The following TMEM156 variants were observed in gnomAD, a reference collection of about 807,000 sequenced individuals.
TMEM156 encodes transmembrane protein 156.
TMEM156 carries 28 observed loss-of-function variants against 30.5 expected under a neutral mutation model. The ratio of observed to expected loss-of-function variants is 0.92; its 90% CI spans 0.68 to 1.26. The LOEUF is 1.26. Ranked by LOEUF, TMEM156 falls within the 50% of genes most tolerant of loss-of-function variation. TMEM156 has a pLI of 0.00. For synonymous variants in TMEM156, 137 were observed against 119.9 expected (o/e 1.14, Z -0.93); for missense variants, 351 against 340.6 (o/e 1.03, Z -0.24).
At chr4:39,019,809 C>G (rs79443091) in intron 1 of TMEM156, among the ~76,000 whole-genome samples, 4 of 151,972 alleles carry the variant, frequency 2.6e-5, no homozygotes, top group African/African-American at 9.7e-5. Context: ...TTGTGTGTGG[C>G]GAGAACATTT....
intron 2 of TMEM156, 88 bp downstream of exon 2, chr4:38,998,552 A>G: frequency 7.8e-7 from 1 of 1,276,910 alleles, no homozygotes; most frequent in Non-Finnish European, 1.0e-6. Flanking sequence ...TCAAAAAAAA[A>G]AAAAGAATAT....
At position 38,967,407 on chromosome 4, in the gene TMEM156, G is replaced by T. The variant is rs1459417797; in HGVS notation, c.*273C>A. The T allele has an allele frequency of 6.6e-6, 1 of 151,984 alleles. No homozygotes were observed. The highest frequency in any genetic ancestry group is 2.4e-5 in the African/African-American group (1 of 41,344). The allele number at this position is 151,984 out of a possible 1,614,324, so 9.4% of individuals were successfully genotyped here. A position where few individuals can be genotyped will look rare whatever the true frequency, so the allele number is the denominator to read the frequency against. Reference sequence around the variant, plus strand: ...GGGAATTCTCTTGCTGTTTCCATGGGTTTCATCATCTTTTTTTCCATGACT... The same window carrying T: ...GGGAATTCTCTTGCTGTTTCCATGGTTTTCATCATCTTTTTTTCCATGACT... On this transcript the variant is annotated 3_prime_UTR_variant, in exon 7 of 7. Transcript: ENST00000381938.
chr4:38,978,012 A>G (rs1303030904), intron 5 of TMEM156, among the ~76,000 whole-genome samples: 3 of 152,270 alleles, frequency 2.0e-5, no homozygotes, highest in Non-Finnish European at 2.9e-5. Flanking sequence ...ATCTTTCCCA[A>G]GTAACTTTTG....
intron 6 of TMEM156, among the ~76,000 whole-genome samples, chr4:38,968,535 T>G (rs142157551): frequency 6.6e-6 from 1 of 152,174 alleles, no homozygotes; most frequent in African/African-American, 2.4e-5. Context: ...TGGTCAAAAA[T>G]CATTTGGTGA....
intron 6 of TMEM156, among the ~76,000 whole-genome samples, chr4:38,970,411 A>C (rs1722543524): frequency 6.6e-6 from 1 of 152,128 alleles, no homozygotes; most frequent in Non-Finnish European, 1.5e-5. Flanking sequence ...CTGAAGAGTA[A>C]ATGATATAAC....
intron 1 of TMEM156, among the ~76,000 whole-genome samples, chr4:39,004,683 AATTT>A (rs571337789): frequency 5.3e-5 from 8 of 152,124 alleles, no homozygotes; most frequent in East Asian, 1.9e-4. Context: ...AATATACTAT[AATTT>A]ATTTATTCAT....
At chr4:38,986,078 C>G (rs766215919) in intron 5 of TMEM156, among the ~76,000 whole-genome samples, 5 of 152,240 alleles carry the variant, frequency 3.3e-5, no homozygotes, top group Non-Finnish European at 5.9e-5. Flanking sequence ...ATTGCTTTCT[C>G]TCCTCTGCCT....
intron 5 of TMEM156, among the ~76,000 whole-genome samples, chr4:38,982,833 C>T (rs1711682911): frequency 6.6e-6 from 1 of 152,132 alleles, no homozygotes; most frequent in Non-Finnish European, 1.5e-5. Context: ...TTCACTGACC[C>T]ACACAGCAGG....
intron 1 of TMEM156, among the ~76,000 whole-genome samples, chr4:39,022,491 T>C (rs1714934048): frequency 1.3e-5 from 2 of 152,202 alleles, no homozygotes; most frequent in East Asian, 3.8e-4. Flanking sequence ...TACGTATTTA[T>C]AATTCCTACT....
intron 5 of TMEM156, among the ~76,000 whole-genome samples, chr4:38,974,259 T>G (rs1428217913): frequency 6.7e-6 from 1 of 150,316 alleles, no homozygotes; most frequent in African/African-American, 2.4e-5. Context: ...GGTTGGAGTA[T>G]AGTGGTGCCA....
chr4:38,998,731 G>A lies in TMEM156; in HGVS notation c.267C>T (p.Asp89=). 6.2e-7 allele frequency: 1 copy of A among 1,613,834 alleles called. No individual in the cohort carries two copies. The highest frequency in any genetic ancestry group is 8.5e-7 in the Non-Finnish European group (1 of 1,179,922). ...NFRNFTRTCQ[D]ITGEFKMCSS... is the part of the protein sequence containing the mutation. ...AGCACATTTTAAATTCACCTGTGAT[G>A]TCTTGGCAAGTCCTGGTGAAGTTAC... Residue 89 remains aspartate (D), a synonymous_variant, in exon 2 of 7, where the codon GAC becomes GAT. Coordinates refer to ENST00000381938, the MANE Select transcript of TMEM156 (RefSeq NM_024943.3).
intron 2 of TMEM156, among the ~76,000 whole-genome samples, chr4:38,995,689 T>C (rs936640285): frequency 2.6e-5 from 4 of 152,198 alleles, no homozygotes; most frequent in Non-Finnish European, 5.9e-5. Flanking sequence ...CACTCCAGCC[T>C]GGTGAGAGAG....
At chr4:38,994,758 G>A (rs373963830) in intron 2 of TMEM156, among the ~76,000 whole-genome samples, 23 of 152,218 alleles carry the variant, frequency 1.5e-4, no homozygotes, top group African/African-American at 5.3e-4. Flanking sequence ...GACCAGCCTG[G>A]CCAACATGGC....
chr4:39,017,920 GC>G (rs1714607643), intron 1 of TMEM156, among the ~76,000 whole-genome samples: 1 of 152,014 alleles, frequency 6.6e-6, no homozygotes, highest in African/African-American at 2.4e-5. Flanking sequence ...TCCGGAAATT[GC>G]TTTTTTAATC....
chr4:38,990,830 G>GTTTTTTTTTTTTTTTTTTTTGTTTT (rs1712376565), intron 3 of TMEM156, among the ~76,000 whole-genome samples: 1 of 81,216 alleles, frequency 1.2e-5, no homozygotes, highest in African/African-American at 4.6e-5. Context: ...TTGTTTTCTG[G>GTTTTTTTTTTTTTTTTTTTTGTTTT]TTTTTTTTTT....
intron 3 of TMEM156, among the ~76,000 whole-genome samples, chr4:38,990,836 T>TTTC (rs1560365329): frequency 8.5e-6 from 1 of 118,312 alleles, no homozygotes; most frequent in Non-Finnish European, 1.9e-5. Flanking sequence ...TCTGGTTTTT[T>TTTC]TTTTTTTTTT....
In TMEM156 at chr4:38,998,915, A is replaced by G. The variant is rs556319769; in HGVS notation, c.89-6T>C. The stretch of plus-strand genomic sequence containing the variant: ...TGATAGCTCCAATGTTCTTTCTGTA[A>G]AGAAAAAAGAAAAACACTTTCTTTA... On this transcript the variant is annotated splice_region_variant and splice_polypyrimidine_tract_variant and intron_variant, in intron 1 of 6. Transcript: ENST00000381938. The G allele has an allele frequency of 6.3e-7, 1 of 1,591,694 alleles. No individual in the cohort carries two copies. The highest frequency in any genetic ancestry group is 2.2e-5 in the East Asian group (1 of 44,640).
intron 2 of TMEM156, among the ~76,000 whole-genome samples, chr4:38,994,627 A>G (rs950589394): frequency 6.6e-6 from 1 of 152,272 alleles, no homozygotes; most frequent in Non-Finnish European, 1.5e-5. Flanking sequence ...CTGCTGTAAC[A>G]AAGTACCATA....
intron 1 of TMEM156, among the ~76,000 whole-genome samples, chr4:38,999,775 T>A (rs573635354): frequency 6.6e-6 from 1 of 152,298 alleles, no homozygotes; most frequent in South Asian, 2.1e-4. Context: ...GCCACATCAC[T>A]CTAATCTCTG....
Sources: allele counts gnomAD v4.1 joint callset (sites outside exome capture counted in the v4.1 genomes callset), GRCh38; gene constraint gnomAD v4.1.1; transcripts MANE v1.5; gene names NCBI Gene and HGNC (gene_info 2026-07-23, HGNC 2026-07-21).